OXCT1: variants seen among roughly 807,000 people sequenced by gnomAD.
The protein encoded by OXCT1 is 3-oxoacid CoA-transferase 1.
A neutral mutation model predicts 69.6 loss-of-function variants in OXCT1; 27 were observed. That is an observed-to-expected ratio of 0.39 (90% CI 0.29 to 0.54). The LOEUF is 0.54. OXCT1 is among the 20% of genes least tolerant of loss of function. The pLI, the probability that OXCT1 is intolerant of heterozygous loss-of-function variation, is 0.72. For synonymous variants in OXCT1, 202 were observed against 217.8 expected, an observed-to-expected ratio of 0.93 and a Z score of 0.64; for missense variants, 437 against 650.2, an observed-to-expected ratio of 0.67 and a Z score of 3.57.
At chr5:41,814,271 T>TCC (rs1747122775) in intron 7 of OXCT1, among the ~76,000 whole-genome samples, 1 of 152,174 alleles carries the variant, frequency 6.6e-6, no homozygotes, top group Admixed American at 6.5e-5. Context: ...GTCAACTGAA[T>TCC]GAACTTCAGC....
chr5:41,795,762 T>C (rs1746152473), intron 11 of OXCT1, among the ~76,000 whole-genome samples: 2 of 152,176 alleles, frequency 1.3e-5, no homozygotes, highest in African/African-American at 2.4e-5. Flanking sequence ...AGGTGATGGA[T>C]GTGATAATTA....
At chr5:41,766,581 A>AC (rs1554067111) in intron 13 of OXCT1, among the ~76,000 whole-genome samples, 25 of 151,000 alleles carry the variant, frequency 1.7e-4, no homozygotes, top group East Asian at 3.9e-4. Flanking sequence ...AAAAAAAAAA[A>AC]AACAACAACA....
chr5:41,767,800 T>A lies in OXCT1; in HGVS notation c.1249-5600A>T, dbSNP rs909847771. Among the ~76,000 whole-genome samples the A allele has an allele frequency of 2.7e-5, 4 of 148,520 alleles. No homozygotes were observed. In the Admixed American group the frequency reaches 2.7e-4, roughly 10 times the overall value. On this transcript the variant is annotated intron_variant, in intron 13 of 16. Transcript: ENST00000196371. The stretch of plus-strand genomic sequence containing the variant: ...CATTCCTATATCTATCTACTGCATA[T>A]CACAGTGTCTTCCATTCACTCCTTG...
chr5:41,802,343 C>T (rs1746461549), intron 10 of OXCT1, among the ~76,000 whole-genome samples: 1 of 151,956 alleles, frequency 6.6e-6, no homozygotes, highest in African/African-American at 2.4e-5. Context: ...AATAGGCAAA[C>T]CAAATCCCTG....
intron 15 of OXCT1, among the ~76,000 whole-genome samples, chr5:41,741,152 AT>A (rs1209542881): frequency 6.6e-6 from 1 of 151,968 alleles, no homozygotes; most frequent in Admixed American, 6.6e-5. Flanking sequence ...AGGTTTTACC[AT>A]GTTGGTCAGG....
intron 3 of OXCT1, among the ~76,000 whole-genome samples, chr5:41,859,480 TC>T (rs1475741795): frequency 6.6e-6 from 1 of 152,086 alleles, no homozygotes; most frequent in Non-Finnish European, 1.5e-5. Flanking sequence ...AGAAATACAT[TC>T]CCATTGACAG....
At chr5:41,844,212 C>T (rs1748782984) in intron 5 of OXCT1, among the ~76,000 whole-genome samples, 1 of 152,206 alleles carries the variant, frequency 6.6e-6, no homozygotes, top group South Asian at 2.1e-4. Context: ...ATTATACTCA[C>T]TTGAAAGAAT....
At chr5:41,738,019 C>T (rs189723071) in intron 16 of OXCT1, among the ~76,000 whole-genome samples, 211 of 152,106 alleles carry the variant, frequency 1.4e-3, no homozygotes, top group African/African-American at 5.0e-3. Context: ...CGCGCCACTG[C>T]ACTCCAGCCT....
intron 13 of OXCT1, among the ~76,000 whole-genome samples, chr5:41,775,222 T>C (rs1489658221): frequency 6.6e-6 from 1 of 152,092 alleles, no homozygotes; most frequent in African/African-American, 2.4e-5. Context: ...AAGGATTCAG[T>C]CTTACAAAAC....
chr5:41,802,329 T>C (rs919310677), intron 10 of OXCT1, among the ~76,000 whole-genome samples: 4 of 152,106 alleles, frequency 2.6e-5, no homozygotes, highest in Non-Finnish European at 4.4e-5. Context: ...AATAAAAGAT[T>C]ATGAATAGGC....
intron 11 of OXCT1, among the ~76,000 whole-genome samples, chr5:41,798,775 A>G (rs1456545502): frequency 1.3e-5 from 2 of 152,302 alleles, no homozygotes; most frequent in East Asian, 3.9e-4. Context: ...TCTAGGTTAG[A>G]GCCCAGATCT....
At chr5:41,771,536 G>A (rs553170650) in intron 13 of OXCT1, among the ~76,000 whole-genome samples, 180 of 152,208 alleles carry the variant, frequency 1.2e-3, no homozygotes, top group Non-Finnish European at 2.1e-3. Flanking sequence ...CGTACTCCTA[G>A]CTCTGTTCTG....
At chr5:41,833,999 A>G (rs1015846040) in intron 7 of OXCT1, among the ~76,000 whole-genome samples, 2 of 151,200 alleles carry the variant, frequency 1.3e-5, no homozygotes, top group African/African-American at 4.9e-5. Context: ...CAAGAGCAAA[A>G]TTCCGTCTCA....
intron 3 of OXCT1, among the ~76,000 whole-genome samples, chr5:41,860,543 A>C (rs1006054501): frequency 6.6e-6 from 1 of 152,172 alleles, no homozygotes; most frequent in Admixed American, 6.5e-5. Flanking sequence ...AAATGGGCAC[A>C]AAAAAGTAGC....
chr5:41,731,775 TA>T lies in OXCT1; in HGVS notation c.1522-6del, dbSNP rs577896773. 19 of 1,608,054 alleles carry T rather than the reference TA, an allele frequency of 1.2e-5. No homozygotes were observed. In the South Asian group the frequency reaches 1.8e-4, roughly 15 times the overall value. On this transcript the variant is annotated splice_region_variant and splice_polypyrimidine_tract_variant and intron_variant, in intron 16 of 16. Coordinates refer to ENST00000196371, the MANE Select transcript of OXCT1 (RefSeq NM_000436.4). ...TGGCATGAGTTTTGGTGAAACCTGG[TA>T]AAAGAGGAAAAAAAAATCAAATTAT...
chr5:41,848,677 A>T (rs2112436321), intron 5 of OXCT1, among the ~76,000 whole-genome samples: 1 of 151,838 alleles, frequency 6.6e-6, no homozygotes, highest in Admixed American at 6.6e-5. Flanking sequence ...AAAACAAGCA[A>T]TGGGGAAAGG....
At chr5:41,787,130 C>A (rs1198781305) in intron 13 of OXCT1, among the ~76,000 whole-genome samples, 3 of 152,154 alleles carry the variant, frequency 2.0e-5, no homozygotes, top group Non-Finnish European at 4.4e-5. Flanking sequence ...GATAATTTTT[C>A]TGGCCAGTAA....
At chr5:41,815,096 A>C (rs1017101492) in intron 7 of OXCT1, among the ~76,000 whole-genome samples, 2 of 152,106 alleles carry the variant, frequency 1.3e-5, no homozygotes, top group African/African-American at 4.8e-5. Context: ...AATTTGTTAA[A>C]ATTGACTAGC....
intron 9 of OXCT1, among the ~76,000 whole-genome samples, chr5:41,803,956 T>C (rs1275119182): frequency 6.6e-6 from 1 of 152,068 alleles, no homozygotes; most frequent in Non-Finnish European, 1.5e-5. Flanking sequence ...CCACTACCAC[T>C]GCACAACAAA....
Sources: allele counts gnomAD v4.1 joint callset (sites outside exome capture counted in the v4.1 genomes callset), GRCh38; gene constraint gnomAD v4.1.1; transcripts MANE v1.5; gene names NCBI Gene and HGNC (gene_info 2026-07-23, HGNC 2026-07-21).